Variants in NUP214 observed in about 807,000 individuals in gnomAD.
NUP214 encodes the protein nuclear pore complex protein Nup214.
In NUP214, 79 loss-of-function variants were observed where a neutral mutation model predicts 196.2. The ratio of observed to expected loss-of-function variants is 0.40; its 90% CI spans 0.34 to 0.49. NUP214 has a LOEUF of 0.49. Ranked by LOEUF, NUP214 falls within the 20% of genes least tolerant of loss-of-function variation. NUP214 has a pLI of 0.58. For missense variants in NUP214, 2,468 were observed against 2,539.0 expected, an observed-to-expected ratio of 0.97 and a Z score of 0.60; for synonymous variants, 1,020 against 990.5, an observed-to-expected ratio of 1.03 and a Z score of -0.56.
chr9:131,165,557 A>G (rs944855450), intron 21 of NUP214, among the ~76,000 whole-genome samples: 3 of 152,226 alleles, frequency 2.0e-5, no homozygotes, highest in Non-Finnish European at 2.9e-5. Flanking sequence ...TGTAGAAAAC[A>G]GTTTGGTGGT....
rs1226885157 is a variant in NUP214 at position 131,230,789 on chromosome 9, C to G, written c.6214+20C>G. 2 of 1,608,918 alleles carry G rather than the reference C, an allele frequency of 1.2e-6. No homozygotes were observed. Among genetic ancestry groups the G allele is most frequent in the Non-Finnish European group, 1.7e-6 (2 of 1,178,234 alleles). ...CAGGAGGTAAGCTGCCACAAGTTCT[C>G]CCCTCACAAGCAAAATGGGTCCCTC... is the stretch of plus-strand genomic sequence containing the variant. On this transcript the variant is annotated intron_variant, in intron 34 of 35. Coordinates refer to ENST00000359428, the MANE Select transcript of NUP214 (RefSeq NM_005085.4).
At chr9:131,127,282 C>G (rs964638397) in intron 1 of NUP214, among the ~76,000 whole-genome samples, 2 of 152,104 alleles carry the variant, frequency 1.3e-5, no homozygotes, top group Non-Finnish European at 2.9e-5. Flanking sequence ...ACTTGGGAGT[C>G]TGAAGCAGGA....
chr9:131,181,302 T>C (rs951083507), intron 24 of NUP214, among the ~76,000 whole-genome samples: 1 of 151,674 alleles, frequency 6.6e-6, no homozygotes, highest in Non-Finnish European at 1.5e-5. Context: ...GCTGGGGGAG[T>C]AGGTCAGGAA....
intron 21 of NUP214, among the ~76,000 whole-genome samples, chr9:131,170,908 A>AT (rs778999270): frequency 2.6e-5 from 4 of 151,832 alleles, no homozygotes; most frequent in South Asian, 4.1e-4. Flanking sequence ...AGCACTTTCT[A>AT]TAGTTCATCC....
rs769163257 is a variant in NUP214, at chr9:131,146,211, C to T, written c.1852C>T (p.Pro618Ser). 9.9e-6 allele frequency: 16 copies of T among 1,614,014 alleles called. No homozygotes were observed. The African/African-American group carries it at 2.0e-4, about 20-fold the overall frequency. The change falls in exon 13 of 36, where the codon CCA becomes TCA. Residue 618 changes from proline (P) to serine (S), a missense_variant. Physicochemically the swap from Pro to Ser is moderately conservative, Grantham distance 74. Transcript: ENST00000359428. This position sits in a 1 kb window ranked among gnomAD's most constrained non-coding sequence, Gnocchi z 4.6. ...PMSPFSSASK[P>S]AASGPLSHPT... ...GTCGCCATTCTCTTCTGCCTCCAAGCCAGCTGCTTCTGGACCACTCAGCCA... is the reference window on the plus strand; with the variant it reads ...GTCGCCATTCTCTTCTGCCTCCAAGTCAGCTGCTTCTGGACCACTCAGCCA...
At chr9:131,128,530 A>T (rs1052242895) in intron 3 of NUP214, 47 bp downstream of exon 3, 4 of 1,492,614 alleles carry the variant, frequency 2.7e-6, no homozygotes, top group Non-Finnish European at 3.6e-6. Context: ...CCCTAAGCAG[A>T]TTTCCTTGTA....
At position 131,155,777 on chromosome 9, in the gene NUP214, A is replaced by G. The variant is rs142845784; in HGVS notation, c.2437-3606A>G. 7.0e-3 allele frequency among the ~76,000 whole-genome samples: 1,073 copies of G among 152,248 alleles called. 8 individuals carry two copies. Among genetic ancestry groups the G allele is most frequent in the Non-Finnish European group, 0.012 (814 of 68,018 alleles). On this transcript the variant is annotated intron_variant, in intron 17 of 35. Coordinates refer to ENST00000359428, the MANE Select transcript of NUP214 (RefSeq NM_005085.4). ...ATGTTTTTTGTTTGCTTTGTTGAAG[A>G]TCAGTTGGCTCTAATAATTTGGCTT...
intron 17 of NUP214, 94 bp downstream of exon 17, chr9:131,151,988 C>T (rs1473118603): frequency 2.1e-6 from 2 of 973,996 alleles, no homozygotes; most frequent in Non-Finnish European, 2.9e-6. Context: ...GATGATGGCT[C>T]TTTTTGAAGT....
At chr9:131,135,465 C>T (rs536669803) in intron 8 of NUP214, among the ~76,000 whole-genome samples, 10 of 152,258 alleles carry the variant, frequency 6.6e-5, no homozygotes, top group Admixed American at 2.6e-4. Context: ...ATTTCTGTTT[C>T]CCCAATCTTG....
chr9:131,137,560 T>G (rs1831770498), intron 9 of NUP214, among the ~76,000 whole-genome samples: 1 of 147,862 alleles, frequency 6.8e-6, no homozygotes. Flanking sequence ...ATCTTTTTTT[T>G]TTTTTTTTTT....
chr9:131,147,220 T>C (rs980982687), intron 13 of NUP214, among the ~76,000 whole-genome samples: 15 of 152,102 alleles, frequency 9.9e-5, no homozygotes, highest in Non-Finnish European at 2.1e-4. Context: ...ACTCCTGGGC[T>C]CAAGCAATCC....
At position 131,228,267 on chromosome 9, in the gene NUP214, C is replaced by G; in HGVS notation, c.6010C>G (p.Leu2004Val). Residue 2004 changes from leucine to valine, a missense_variant, in exon 33 of 36, where the codon CTG (leucine) becomes GTG (valine). This residue lies in a region of NUP214 where 262 missense variants were observed against 296.5 expected (regional missense o/e 0.88). Coordinates refer to ENST00000359428, the MANE Select transcript of NUP214 (RefSeq NM_005085.4). Reference protein sequence around the residue: ...FGSAPAFTSPLGSTGGKVFGE... With the variant: ...FGSAPAFTSPVGSTGGKVFGE... Reference sequence around the variant, plus strand: ...TTCAGCCCCAGCCTTTACAAGCCCTCTGGGCTCGACGGGAGGCAAAGTGTT... The same window carrying G: ...TTCAGCCCCAGCCTTTACAAGCCCTGTGGGCTCGACGGGAGGCAAAGTGTT... 1 of 1,604,698 alleles carries G rather than the reference C, an allele frequency of 6.2e-7. No homozygotes were observed. Among genetic ancestry groups the G allele is most frequent in the Middle Eastern group, 1.7e-4 (1 of 6,032 alleles).
At position 131,146,233 on chromosome 9, in the gene NUP214, G is replaced by A. The variant is rs765036576; in HGVS notation, c.1874G>A (p.Ser625Asn). The change falls in exon 13 of 36, where the codon AGC (serine) becomes AAC (asparagine). Residue 625 changes from serine to asparagine, a missense_variant. Around this residue, in one of 5 missense-constraint regions of NUP214, gnomAD observed 1,801 missense variants for 1,779.4 expected, o/e 1.01. Coordinates refer to ENST00000359428, the MANE Select transcript of NUP214 (RefSeq NM_005085.4). This position sits in a 1 kb window ranked among gnomAD's most constrained non-coding sequence, Gnocchi z 4.6. ...AAGCCAGCTGCTTCTGGACCACTCA[G>A]CCACCCCACACCTCTCTCAGCACCA... ...ASKPAASGPL[S>N]HPTPLSAPPS... 10 of 1,614,064 alleles carry A rather than the reference G, an allele frequency of 6.2e-6. No homozygotes were observed. The Admixed American group carries it at 1.3e-4, about 22-fold the overall frequency.
intron 18 of NUP214, among the ~76,000 whole-genome samples, chr9:131,161,989 T>C (rs1342115559): frequency 6.6e-6 from 1 of 152,244 alleles, no homozygotes; most frequent in African/African-American, 2.4e-5. Flanking sequence ...GTAAACTTTC[T>C]TAAAACATTC....
rs370115515 is a variant in NUP214 at position 131,217,005 on chromosome 9, G to A, written c.5749+1637G>A. ...TGAAGTTTCTCTCATCTGTTGTGCT[G>A]TGTGAGATCTCCATGAATCATGAGC... On this transcript the variant is annotated intron_variant, in intron 31 of 35. Coordinates refer to ENST00000359428, the MANE Select transcript of NUP214 (RefSeq NM_005085.4). Among the ~76,000 whole-genome samples the A allele has an allele frequency of 5.3e-5, 8 of 152,160 alleles. No individual in the cohort carries two copies. In the East Asian group the frequency reaches 1.3e-3, roughly 26 times the overall value.
chr9:131,141,096 G>A (rs1278564821), intron 11 of NUP214, among the ~76,000 whole-genome samples: 3 of 149,292 alleles, frequency 2.0e-5, no homozygotes, highest in African/African-American at 7.4e-5. Context: ...AATTATAAAT[G>A]TTATATTTAT....
At chr9:131,130,333 C>T (rs1190105331) in intron 4 of NUP214, among the ~76,000 whole-genome samples, 4 of 151,478 alleles carry the variant, frequency 2.6e-5, no homozygotes, top group South Asian at 2.1e-4. Context: ...TTAGTAGAGA[C>T]GGGGTTTCAC....
At chr9:131,138,126 C>T (rs549052089) in intron 9 of NUP214, among the ~76,000 whole-genome samples, 9 of 151,880 alleles carry the variant, frequency 5.9e-5, no homozygotes, top group East Asian at 1.9e-4. Context: ...TGCTTTCTTG[C>T]TTGCTTTCTC....
intron 30 of NUP214, among the ~76,000 whole-genome samples, chr9:131,209,297 G>A (rs912894332): frequency 6.6e-6 from 1 of 152,162 alleles, no homozygotes; most frequent in African/African-American, 2.4e-5. Flanking sequence ...AGGATCACTT[G>A]AGCTCGGGAG....
Sources: gnomAD v4.1 joint callset for allele counts (sites outside exome capture counted in the v4.1 genomes callset) on GRCh38, gnomAD v4.1.1 for gene constraint, gnomAD v4.1.1 regional missense constraint, Gnocchi (gnomAD v3.1) non-coding constraint, MANE v1.5 for transcripts, NCBI Gene and HGNC (gene_info 2026-07-23, HGNC 2026-07-21) for gene names.